The following DLGAP1 variants were observed in gnomAD, a reference collection of about 807,000 sequenced individuals.
DLGAP1 encodes the protein DLG associated protein 1.
DLGAP1 carries 11 observed loss-of-function variants against 90.8 expected under a neutral mutation model. The observed-to-expected ratio is 0.12, with a 90% CI of 0.08 to 0.20. The LOEUF (loss-of-function observed/expected upper bound fraction) is 0.20, where lower values mean the gene tolerates loss of function less well. Ranked by LOEUF, DLGAP1 falls within the 10% of genes least tolerant of loss-of-function variation. The pLI, the probability that DLGAP1 is intolerant of heterozygous loss-of-function variation, is 1.00. For missense variants in DLGAP1, 1,050 were observed against 1,333.8 expected, an observed-to-expected ratio of 0.79 and a Z score of 3.31; for synonymous variants, 558 against 540.7, an observed-to-expected ratio of 1.03 and a Z score of -0.44.
intron 7 of DLGAP1, chr18:3,655,816 C>T (rs375256250): frequency 1.2e-5 from 5 of 407,200 alleles, no homozygotes; most frequent in Non-Finnish European, 2.2e-5. Flanking sequence ...GGCTCGCTGA[C>T]GAGCACCGGC....
intron 1 of DLGAP1, among the ~76,000 whole-genome samples, chr18:4,242,652 C>A (rs775475050): frequency 6.6e-6 from 1 of 152,110 alleles, no homozygotes; most frequent in African/African-American, 2.4e-5. Flanking sequence ...ACTAGGAACC[C>A]GATACCTGGT....
chr18:4,256,115 C>G (rs2078882617), intron 1 of DLGAP1, among the ~76,000 whole-genome samples: 1 of 152,210 alleles, frequency 6.6e-6, no homozygotes, highest in African/African-American at 2.4e-5. Context: ...ATGCCCTGCT[C>G]TTCTGGCCAG....
chr18:3,748,352 G>A (rs368710299), intron 5 of DLGAP1, among the ~76,000 whole-genome samples: 14 of 152,342 alleles, frequency 9.2e-5, no homozygotes, highest in African/African-American at 3.4e-4. Context: ...TTAAACCAGT[G>A]TCTCAAAAGA....
At chr18:3,881,132 T>TTTTTCTTTTCTTTTTC (rs2071157270) in intron 3 of DLGAP1, among the ~76,000 whole-genome samples, 1 of 56,254 alleles carries the variant, frequency 1.8e-5, no homozygotes, top group Non-Finnish European at 3.6e-5. Context: ...TTTCTTTTTC[T>TTTTTCTTTTCTTTTTC]TTTTTTTGTG....
intron 1 of DLGAP1, among the ~76,000 whole-genome samples, chr18:4,203,265 T>TTAAA (rs1234492937): frequency 3.9e-5 from 5 of 128,114 alleles, no homozygotes; most frequent in African/African-American, 1.4e-4. Context: ...ACAGAGAGAT[T>TTAAA]AAAAAAAAAA....
intron 2 of DLGAP1, among the ~76,000 whole-genome samples, chr18:4,071,934 A>T (rs6506173): frequency 0.84 from 127,282 of 152,184 alleles, 53,473 homozygotes; most frequent in East Asian, 0.94. Flanking sequence ...AGTTTCAGTT[A>T]GACTTATGGT....
intron 1 of DLGAP1, among the ~76,000 whole-genome samples, chr18:4,271,984 A>G (rs2079294875): frequency 6.6e-6 from 1 of 152,126 alleles, no homozygotes; most frequent in Non-Finnish European, 1.5e-5. Flanking sequence ...GCACTTGAAG[A>G]CTGAGACCAA....
At chr18:4,209,326 G>A (rs1352489256) in intron 1 of DLGAP1, among the ~76,000 whole-genome samples, 1 of 152,092 alleles carries the variant, frequency 6.6e-6, no homozygotes, top group South Asian at 2.1e-4. Context: ...CTTTCCAGAA[G>A]ACAAAAGGGC....
At chr18:3,786,312 T>C (rs898039650) in intron 5 of DLGAP1, among the ~76,000 whole-genome samples, 12 of 152,206 alleles carry the variant, frequency 7.9e-5, no homozygotes, top group South Asian at 4.2e-4. Context: ...CACCAAATGC[T>C]CCCATTTGGT....
At chr18:3,863,810 G>A (rs2070229981) in intron 4 of DLGAP1, among the ~76,000 whole-genome samples, 1 of 152,224 alleles carries the variant, frequency 6.6e-6, no homozygotes, top group Admixed American at 6.5e-5. Context: ...GGCCCCTCTA[G>A]GAAGCAGCTC....
rs566819132 is a variant in DLGAP1, at chr18:4,166,257, A to G, written c.-266-14970T>C. ...CAAAGAATATATACAAATGACCAAT[A>G]GCACATGAAAAGATGCTCAATATCA... On this transcript the variant is annotated intron_variant, in intron 1 of 12. Transcript: ENST00000315677. 2.6e-5 allele frequency among the ~76,000 whole-genome samples: 4 copies of G among 152,316 alleles called. No homozygotes were observed. In the South Asian group the frequency reaches 8.3e-4, roughly 32 times the overall value.
At chr18:4,007,824 A>G (rs59853551) in intron 2 of DLGAP1, among the ~76,000 whole-genome samples, 13,390 of 152,178 alleles carry the variant, frequency 0.088, 1,700 homozygotes, top group African/African-American at 0.28. Context: ...TGCAAACACT[A>G]TGGATCCTAG....
At chr18:3,744,599 C>T (rs577587104) in intron 5 of DLGAP1, among the ~76,000 whole-genome samples, 4 of 152,078 alleles carry the variant, frequency 2.6e-5, no homozygotes, top group East Asian at 1.9e-4. Context: ...CTCACTCTGT[C>T]GCCCAGGTGG....
intron 2 of DLGAP1, among the ~76,000 whole-genome samples, chr18:4,066,730 G>T (rs72871159): frequency 3.3e-5 from 5 of 151,968 alleles, no homozygotes; most frequent in Non-Finnish European, 7.4e-5. Flanking sequence ...TGTTGGGGGG[G>T]TGTAAATTAA....
At chr18:3,866,104 G>A (rs1380465318) in intron 4 of DLGAP1, among the ~76,000 whole-genome samples, 4 of 152,202 alleles carry the variant, frequency 2.6e-5, no homozygotes, top group Admixed American at 2.6e-4. Context: ...GTCTATCAGA[G>A]CTTAAAGCCC....
chr18:3,914,583 A>C (rs2072103170), intron 3 of DLGAP1, among the ~76,000 whole-genome samples: 1 of 152,116 alleles, frequency 6.6e-6, no homozygotes. Flanking sequence ...ATCCTTTGGA[A>C]GTTGGATTAC....
At position 3,600,855 on chromosome 18, in the gene DLGAP1, G is replaced by T. The variant is rs866183374; in HGVS notation, c.1592-18607C>A. Among the ~76,000 whole-genome samples the T allele has an allele frequency of 3.7e-3, 115 of 31,238 alleles. 4 individuals are homozygous for T. The highest frequency in any genetic ancestry group is 0.011 in the African/African-American group (69 of 6,340). 20.5% of individuals were successfully genotyped at this position (31,238 alleles called of 152,430 possible). A position where few individuals can be genotyped will look rare whatever the true frequency, so the allele number is the denominator to read the frequency against. On this transcript the variant is annotated intron_variant, in intron 7 of 12. Coordinates refer to ENST00000315677, the MANE Select transcript of DLGAP1 (RefSeq NM_004746.4). Reference sequence around the variant, plus strand: ...ATATATAGATATATATAGATATATAGATATATATAGATATATAGATATATA... The same window carrying T: ...ATATATAGATATATATAGATATATATATATATATAGATATATAGATATATA...
intron 3 of DLGAP1, among the ~76,000 whole-genome samples, chr18:3,922,435 TACTC>T (rs1323783602): frequency 2.6e-5 from 4 of 152,196 alleles, no homozygotes; most frequent in African/African-American, 9.6e-5. Context: ...GCTCATGTAT[TACTC>T]TCTAGGGATA....
chr18:3,511,436 GA>G (rs2050539336), intron 10 of DLGAP1, among the ~76,000 whole-genome samples: 1 of 151,484 alleles, frequency 6.6e-6, no homozygotes, highest in Admixed American at 6.6e-5. Flanking sequence ...AACACCAGTA[GA>G]AGTAAAAAGT....
Sources: allele counts gnomAD v4.1 joint callset (sites outside exome capture counted in the v4.1 genomes callset), GRCh38; gene constraint gnomAD v4.1.1; transcripts MANE v1.5; gene names NCBI Gene and HGNC (gene_info 2026-07-23, HGNC 2026-07-21).